The following FHOD3 variants were observed in gnomAD, a reference collection of about 807,000 sequenced individuals.
The protein encoded by FHOD3 is FH1/FH2 domain-containing protein 3.
Under a neutral mutation model 173.0 loss-of-function variants are expected in FHOD3, and 90 were observed. That is an observed-to-expected ratio of 0.52 (90% CI 0.44 to 0.62). The LOEUF (loss-of-function observed/expected upper bound fraction) is 0.62. Among genes scored for constraint, FHOD3 ranks in the 20% least tolerant of loss-of-function variants. The pLI is 0.00. For missense variants in FHOD3, 1,945 were observed against 2,034.7 expected (o/e 0.96, Z 0.85); for synonymous variants, 828 against 823.0 (o/e 1.01, Z -0.10).
chr18:36,722,072 G>T (rs541757900), intron 19 of FHOD3, among the ~76,000 whole-genome samples: 1 of 152,268 alleles, frequency 6.6e-6, no homozygotes, highest in South Asian at 2.1e-4. Context: ...ATAGTTTCTG[G>T]AATTGGATCA....
chr18:36,736,788 G>A (rs1221124531), intron 20 of FHOD3, among the ~76,000 whole-genome samples: 2 of 152,206 alleles, frequency 1.3e-5, no homozygotes, highest in Non-Finnish European at 2.9e-5. Context: ...TGGGAAAATA[G>A]GGATGTAAAG....
At chr18:36,477,460 T>C (rs2053631879) in intron 3 of FHOD3, among the ~76,000 whole-genome samples, 1 of 151,954 alleles carries the variant, frequency 6.6e-6, no homozygotes, top group South Asian at 2.1e-4. Context: ...CCAAAATGTG[T>C]GTGTGTATAT....
intron 6 of FHOD3, among the ~76,000 whole-genome samples, chr18:36,591,687 G>A (rs538170467): frequency 6.6e-6 from 1 of 152,332 alleles, no homozygotes; most frequent in African/African-American, 2.4e-5. Flanking sequence ...GGAGGCCGAG[G>A]TGAGAGGTTT....
In FHOD3 at chr18:36,544,165, G is replaced by A. The variant is rs114912776; in HGVS notation, c.511+31622G>A. ...CATCATTGAATATTAGAGCAGCTGCGGGTTAGAAACGAAGGCAGGGCTTCT... is the reference window on the plus strand; with the variant it reads ...CATCATTGAATATTAGAGCAGCTGCAGGTTAGAAACGAAGGCAGGGCTTCT... On this transcript the variant is annotated intron_variant, in intron 5 of 28. Transcript: ENST00000590592. Among the ~76,000 whole-genome samples, 1,380 of 152,272 alleles carry A rather than the reference G, an allele frequency of 9.1e-3. 16 individuals carry two copies. Among genetic ancestry groups the A allele is most frequent in the African/African-American group, 0.031 (1,294 of 41,558 alleles).
chr18:36,686,966 G>A (rs1413642908), intron 15 of FHOD3, among the ~76,000 whole-genome samples, 162 bp from the exon 16 acceptor site: 2 of 152,152 alleles, frequency 1.3e-5, no homozygotes, highest in Non-Finnish European at 2.9e-5. Context: ...TAATTTTGAA[G>A]TACAGGCTTT....
chr18:36,439,521 ATGTGTGTGTGTGTGTGTGTGTG>A (rs33931333), intron 3 of FHOD3, among the ~76,000 whole-genome samples: 14 of 144,732 alleles, frequency 9.7e-5, no homozygotes, highest in Non-Finnish European at 1.4e-4. Flanking sequence ...AACCAATAGA[ATGTGTGTGTGTGTGTGTGTGTG>A]TGTGTGTGTG....
intron 6 of FHOD3, among the ~76,000 whole-genome samples, chr18:36,583,427 G>A (rs977383669): frequency 6.6e-6 from 1 of 152,184 alleles, no homozygotes. Context: ...TGCCCTAGGA[G>A]TACAGGGTTT....
intron 3 of FHOD3, among the ~76,000 whole-genome samples, chr18:36,381,514 AGAG>A (rs2047786118): frequency 6.6e-6 from 1 of 152,132 alleles, no homozygotes; most frequent in South Asian, 2.1e-4. Flanking sequence ...TAGCTGCCCG[AGAG>A]GAGGATGAGG....
At chr18:36,593,685 G>A (rs945462555) in intron 6 of FHOD3, among the ~76,000 whole-genome samples, 1 of 152,164 alleles carries the variant, frequency 6.6e-6, no homozygotes, top group South Asian at 2.1e-4. Flanking sequence ...ACAGGCTCAA[G>A]GGGTGGGCGA....
intron 23 of FHOD3, among the ~76,000 whole-genome samples, chr18:36,745,847 A>C (rs2150101829): frequency 7.4e-6 from 1 of 135,162 alleles, no homozygotes; most frequent in Non-Finnish European, 1.6e-5. Flanking sequence ...CATCCCCGCC[A>C]CACCCTCCAC....
intron 3 of FHOD3, among the ~76,000 whole-genome samples, chr18:36,444,738 G>A (rs774039799): frequency 1.3e-5 from 2 of 151,224 alleles, no homozygotes; most frequent in African/African-American, 4.9e-5. Flanking sequence ...TTAACATCCC[G>A]GAAATCACTT....
intron 3 of FHOD3, among the ~76,000 whole-genome samples, chr18:36,391,745 G>A (rs1044187746): frequency 6.6e-6 from 1 of 151,794 alleles, no homozygotes; most frequent in Non-Finnish European, 1.5e-5. Context: ...TACAGGGTGG[G>A]TTGGAGGCCT....
At chr18:36,526,938 G>A (rs192506510) in intron 5 of FHOD3, among the ~76,000 whole-genome samples, 6 of 152,206 alleles carry the variant, frequency 3.9e-5, no homozygotes, top group Non-Finnish European at 8.8e-5. Context: ...AAGTCCTCAC[G>A]TGAAAGGTGC....
At chr18:36,460,752 TCA>T (rs2052501056) in intron 3 of FHOD3, among the ~76,000 whole-genome samples, 6 of 152,204 alleles carry the variant, frequency 3.9e-5, no homozygotes, top group Admixed American at 6.5e-5. Flanking sequence ...TCACTAAACA[TCA>T]CTTTCTAATA....
chr18:36,401,656 T>C (rs1176282465), intron 3 of FHOD3, among the ~76,000 whole-genome samples: 1 of 152,136 alleles, frequency 6.6e-6, no homozygotes, highest in African/African-American at 2.4e-5. Flanking sequence ...GTAAAACAGG[T>C]ACAACAACAT....
chr18:36,406,431 A>G (rs936900592), intron 3 of FHOD3, among the ~76,000 whole-genome samples: 1 of 152,142 alleles, frequency 6.6e-6, no homozygotes, highest in Non-Finnish European at 1.5e-5. Flanking sequence ...CAGCCTTGGC[A>G]TGTGCGGGAA....
intron 3 of FHOD3, among the ~76,000 whole-genome samples, chr18:36,380,568 TTTTCTTTTCTTTTCCTTTCCTTTCC>T (rs1233026566): frequency 1.4e-4 from 12 of 83,210 alleles, no homozygotes; most frequent in East Asian, 9.2e-4. Context: ...TTTTCTTTTC[TTTTCTTTTCTTTTCCTTTCCTTTCC>T]TTTCCTTTCC....
chr18:36,459,672 T>A (rs2052435628), intron 3 of FHOD3, among the ~76,000 whole-genome samples: 2 of 152,202 alleles, frequency 1.3e-5, no homozygotes, highest in Non-Finnish European at 2.9e-5. Context: ...TTGATTTTTT[T>A]TTCATTTTGA....
At chr18:36,358,549 CTA>C (rs1289789663) in intron 2 of FHOD3, among the ~76,000 whole-genome samples, 3 of 152,146 alleles carry the variant, frequency 2.0e-5, no homozygotes, top group African/African-American at 7.2e-5. Flanking sequence ...ACTCTAGTAG[CTA>C]GGGTTGCTGG....
Sources: gnomAD v4.1 joint callset for allele counts (sites outside exome capture counted in the v4.1 genomes callset) on GRCh38, gnomAD v4.1.1 for gene constraint, MANE v1.5 for transcripts, NCBI Gene and HGNC (gene_info 2026-07-23, HGNC 2026-07-21) for gene names.